AK8: variants seen among roughly 807,000 people sequenced by gnomAD.
AK8 encodes adenylate kinase 8, also known as ATP-AMP transphosphorylase 8.
In AK8, 44 loss-of-function variants were observed where a neutral mutation model predicts 54.6. The ratio of observed to expected loss-of-function variants is 0.81; its 90% confidence interval spans 0.63 to 1.04. The LOEUF is 1.04. Among genes scored for constraint, AK8 ranks in the 50% least tolerant of loss-of-function variants. AK8 has a pLI of 0.00. For synonymous variants in AK8, 239 were observed against 245.6 expected (o/e 0.97, Z 0.25); for missense variants, 555 against 613.6 (o/e 0.90, Z 1.01).
chr9:132,831,274 C>G (rs565559157), intron 5 of AK8, among the ~76,000 whole-genome samples: 16 of 151,992 alleles, frequency 1.1e-4, no homozygotes, highest in African/African-American at 2.4e-4. Flanking sequence ...CACTGGGATT[C>G]TGGAACAACA....
At position 132,792,617 on chromosome 9, in the gene AK8, T is replaced by C; in HGVS notation, c.1121+17A>G. 1.9e-6 allele frequency: 3 copies of C among 1,547,672 alleles called. No homozygotes were observed. Among genetic ancestry groups the C allele is most frequent in the Non-Finnish European group, 2.6e-6 (3 of 1,145,370 alleles). On this transcript the variant is annotated intron_variant, in intron 11 of 12. Transcript: ENST00000298545. ...AGGGGCTTGGCCAGGGCTGCTGGCT[T>C]GGCTGGGGCAGCTCACCTGTTGGGA...
chr9:132,869,348 G>T (rs1033622334), intron 2 of AK8, among the ~76,000 whole-genome samples: 1 of 152,222 alleles, frequency 6.6e-6, no homozygotes, highest in African/African-American at 2.4e-5. Flanking sequence ...AGACAGTGCT[G>T]CCCGTGCCCA....
chr9:132,736,401 T>A (rs1263727250), intron 11 of AK8, among the ~76,000 whole-genome samples: 1 of 151,706 alleles, frequency 6.6e-6, no homozygotes, highest in Non-Finnish European at 1.5e-5. Context: ...TTGGCCAGGC[T>A]GGTCTCAAAC....
chr9:132,795,670 G>T, intron 10 of AK8, among the ~76,000 whole-genome samples: 1 of 152,196 alleles, frequency 6.6e-6, no homozygotes, highest in East Asian at 1.9e-4. Flanking sequence ...CATGGGATAC[G>T]GTCTACGCAG....
At position 132,823,259 on chromosome 9, in the gene AK8, T is replaced by C. The variant is rs749447351; in HGVS notation, c.835A>G (p.Ser279Gly). The change falls in exon 9 of 13, where the codon AGT becomes GGT. Residue 279 changes from serine to glycine, a missense_variant. Coordinates refer to ENST00000298545, the MANE Select transcript of AK8 (RefSeq NM_152572.3). The part of the protein sequence containing the change: ...PRVLLLGPVG[S>G]GKSLQAALLA... ...AGGGCGGCCTGCAGACTTTTCCCAC[T>C]GCCCACAGGCCCGAGCAGCAGCACC... The C allele has an allele frequency of 6.2e-7, 1 of 1,607,456 alleles. No individual in the cohort carries two copies. The highest frequency in any genetic ancestry group is 1.3e-5 in the African/African-American group (1 of 74,472).
chr9:132,765,425 ACGAT>A (rs1231268093), intron 11 of AK8, among the ~76,000 whole-genome samples: 1 of 152,158 alleles, frequency 6.6e-6, no homozygotes, highest in Non-Finnish European at 1.5e-5. Context: ...CAGAAACCAC[ACGAT>A]CATCTTAATA....
intron 3 of AK8, among the ~76,000 whole-genome samples, chr9:132,866,318 A>G (rs1843596229): frequency 6.6e-6 from 1 of 152,220 alleles, no homozygotes; most frequent in Admixed American, 6.5e-5. Flanking sequence ...TGATGTGTGA[A>G]AAAGTGTGGG....
intron 5 of AK8, among the ~76,000 whole-genome samples, chr9:132,845,191 G>A (rs560797077): frequency 3.3e-5 from 5 of 152,288 alleles, no homozygotes; most frequent in South Asian, 2.1e-4. Flanking sequence ...GACCAGGCGC[G>A]TAGACTACAG....
intron 1 of AK8, among the ~76,000 whole-genome samples, chr9:132,876,741 T>C (rs1844118237): frequency 6.6e-6 from 1 of 152,064 alleles, no homozygotes; most frequent in Non-Finnish European, 1.5e-5. Context: ...GTATAAAAAA[T>C]GGAAATGGTC....
chr9:132,766,929 T>C (rs1228002549), intron 11 of AK8, among the ~76,000 whole-genome samples: 1 of 152,306 alleles, frequency 6.6e-6, no homozygotes, highest in African/African-American at 2.4e-5. Flanking sequence ...TATATCTGCA[T>C]GCAGAAAAAT....
At chr9:132,856,076 A>C (rs1027529202) in intron 4 of AK8, among the ~76,000 whole-genome samples, 1 of 152,122 alleles carries the variant, frequency 6.6e-6, no homozygotes. Flanking sequence ...ACTGGGGAGG[A>C]AGCAACTCTT....
intron 1 of AK8, among the ~76,000 whole-genome samples, chr9:132,876,829 C>G (rs947076173): frequency 6.6e-6 from 1 of 152,088 alleles, no homozygotes; most frequent in Non-Finnish European, 1.5e-5. Context: ...GAGGCCGAGG[C>G]AGAAGGACTG....
intron 11 of AK8, among the ~76,000 whole-genome samples, chr9:132,776,787 C>G (rs905806253): frequency 2.0e-5 from 3 of 152,160 alleles, no homozygotes; most frequent in African/African-American, 4.8e-5. Context: ...TCACAGGGCT[C>G]TCTTCCCCCA....
chr9:132,806,314 TA>T (rs908644944), intron 10 of AK8, among the ~76,000 whole-genome samples: 1 of 152,052 alleles, frequency 6.6e-6, no homozygotes, highest in African/African-American at 2.4e-5. Flanking sequence ...AAAGTTTCTT[TA>T]AAAAAATAAA....
At chr9:132,825,975 A>C (rs1588176744) in intron 8 of AK8, among the ~76,000 whole-genome samples, 1 of 152,188 alleles carries the variant, frequency 6.6e-6, no homozygotes, top group African/African-American at 2.4e-5. Flanking sequence ...GACTTTTGAA[A>C]AGGATAATAC....
chr9:132,733,331 G>A (rs1836945364), intron 11 of AK8, among the ~76,000 whole-genome samples: 1 of 152,188 alleles, frequency 6.6e-6, no homozygotes, highest in East Asian at 1.9e-4. Context: ...TGCACCCCCG[G>A]TACTGCAAGG....
intron 9 of AK8, among the ~76,000 whole-genome samples, chr9:132,820,144 G>GAAAAAA (rs35984099): frequency 6.9e-5 from 5 of 72,698 alleles, no homozygotes; most frequent in African/African-American, 1.0e-4. Context: ...AGTAAGACCC[G>GAAAAAA]AAAAAAAAAA....
rs557599889 is a variant in AK8 at position 132,814,819 on chromosome 9, A to G, written c.890-92T>C. On this transcript the variant is annotated intron_variant, in intron 9 of 12. Transcript: ENST00000298545. ...AACCCCCAGTGCTGCCTGCTGAGGG[A>G]AAAAAAAAAGGTCACTGAAAAAAGC... is the stretch of plus-strand genomic sequence containing the variant. 307 of 783,216 alleles carry G rather than the reference A, an allele frequency of 3.9e-4. 2 individuals are homozygous for G. The Admixed American group carries it at 4.4e-3, about 11-fold the overall frequency. The allele number at this position is 783,216 out of a possible 1,614,324, so 48.5% of individuals were successfully genotyped here.
intron 4 of AK8, among the ~76,000 whole-genome samples, chr9:132,859,916 G>C (rs767885301): frequency 1.8e-4 from 27 of 152,084 alleles, no homozygotes; most frequent in Non-Finnish European, 3.4e-4. Context: ...AGAAAAGGTG[G>C]GGGTTTCTGC....
Sources: allele counts gnomAD v4.1 joint callset (sites outside exome capture counted in the v4.1 genomes callset), GRCh38; gene constraint gnomAD v4.1.1; transcripts MANE v1.5; gene names NCBI Gene and HGNC (gene_info 2026-07-23, HGNC 2026-07-21).